The following GLIS3 variants were observed in gnomAD, a reference collection of about 807,000 sequenced individuals.
GLIS3 encodes zinc finger protein GLIS3.
In GLIS3, 53 loss-of-function variants were observed where a neutral mutation model predicts 78.6. That is an observed-to-expected ratio of 0.67 (90% confidence interval 0.54 to 0.85). GLIS3 has a LOEUF of 0.85. Among genes scored for constraint, GLIS3 ranks in the 40% least tolerant of loss-of-function variants. The pLI is 0.00. For missense variants in GLIS3, 1,703 were observed against 1,231.1 expected, an observed-to-expected ratio of 1.38 and a Z score of -5.74; for synonymous variants, 684 against 509.9, an observed-to-expected ratio of 1.34 and a Z score of -4.60.
intron 4 of GLIS3, among the ~76,000 whole-genome samples, chr9:4,023,667 G>A (rs914784594): frequency 2.6e-5 from 4 of 152,204 alleles, no homozygotes; most frequent in African/African-American, 4.8e-5. Flanking sequence ...CAAAGGATAA[G>A]GGGAAAGAAG....
chr9:3,896,913 T>C (rs911181212), intron 7 of GLIS3, among the ~76,000 whole-genome samples: 2 of 152,052 alleles, frequency 1.3e-5, no homozygotes, highest in African/African-American at 4.8e-5. Flanking sequence ...TCAAAATCTT[T>C]TTGAGGACCG....
chr9:3,882,387 A>C (rs1210362232), intron 7 of GLIS3, among the ~76,000 whole-genome samples: 1 of 152,190 alleles, frequency 6.6e-6, no homozygotes, highest in South Asian at 2.1e-4. Context: ...TCTCACAGAT[A>C]CCCAACATCA....
chr9:4,034,398 G>C (rs575454240), intron 4 of GLIS3: 5 of 152,240 alleles, frequency 3.3e-5, no homozygotes, highest in Admixed American at 2.0e-4. Context: ...TTTCCCCCTT[G>C]TTTCTTGAAT....
chr9:4,263,126 G>A (rs1279600947), intron 2 of GLIS3, among the ~76,000 whole-genome samples: 1 of 152,076 alleles, frequency 6.6e-6, no homozygotes, highest in Non-Finnish European at 1.5e-5. Context: ...CCATGGGCTT[G>A]ACCTCTGAAG....
At chr9:4,375,478 T>C in the GLIS3 span, among the ~76,000 whole-genome samples, 10 of 152,230 alleles carry the variant, frequency 6.6e-5, no homozygotes, top group South Asian at 6.2e-4. Context: ...TTGTGCTACA[T>C]TGAAGATTAA....
At chr9:4,216,957 A>C (rs7048673) in intron 2 of GLIS3, among the ~76,000 whole-genome samples, 2,093 of 152,316 alleles carry the variant, frequency 0.014, 58 homozygotes, top group African/African-American at 0.048. Context: ...TCAATACATT[A>C]ACAAGTGAAC....
chr9:4,298,905 C>T (rs1278171186), intron 1 of GLIS3, among the ~76,000 whole-genome samples: 1 of 152,132 alleles, frequency 6.6e-6, no homozygotes, highest in Non-Finnish European at 1.5e-5. Flanking sequence ...CGTGAAACTC[C>T]ACAAACACGT....
At chr9:3,841,246 C>A (rs1360622141) in intron 9 of GLIS3, among the ~76,000 whole-genome samples, 1 of 152,142 alleles carries the variant, frequency 6.6e-6, no homozygotes, top group Non-Finnish European at 1.5e-5. Flanking sequence ...TCAGTAATTG[C>A]CATGTGTGGA....
intron 4 of GLIS3, among the ~76,000 whole-genome samples, chr9:3,947,938 T>C (rs755460898): frequency 2.4e-4 from 37 of 152,218 alleles, no homozygotes; most frequent in Non-Finnish European, 4.7e-4. Flanking sequence ...CCTGTACTTC[T>C]TGTTAAAAAT....
intron 3 of GLIS3, among the ~76,000 whole-genome samples, chr9:4,120,237 T>C (rs766701377): frequency 9.9e-5 from 15 of 152,202 alleles, no homozygotes; most frequent in Non-Finnish European, 1.9e-4. Context: ...CACCATTTCA[T>C]ACAAGCATAT....
intron 2 of GLIS3, among the ~76,000 whole-genome samples, chr9:4,341,416 T>G (rs761141461): frequency 4.6e-5 from 7 of 152,240 alleles, no homozygotes; most frequent in Admixed American, 6.5e-5. Context: ...GCTCATTGTG[T>G]GCTGGAGAAA....
At position 3,824,932 on chromosome 9, in the gene GLIS3, AAAAT is replaced by A. The variant is rs1453354535; in HGVS notation, c.*3336_*3339del. On this transcript the variant is annotated 3_prime_UTR_variant, in exon 11 of 11. Coordinates refer to ENST00000381971, the MANE Select transcript of GLIS3 (RefSeq NM_001042413.2). Reference sequence around the variant, plus strand: ...GCTTCATCTGTTGCAAAAAAAAAAAAAAATAATAACCGCAGAAATTCCACACCAC... The same window carrying A: ...GCTTCATCTGTTGCAAAAAAAAAAAAAATAACCGCAGAAATTCCACACCAC... 958 of 113,568 alleles carry A rather than the reference AAAAT, an allele frequency of 8.4e-3. 21 individuals are homozygous for A. The highest frequency in any genetic ancestry group is 0.026 in the African/African-American group (869 of 33,314). 7.0% of individuals were successfully genotyped at this position (113,568 alleles called of 1,614,324 possible).
chr9:4,099,613 T>G lies in GLIS3; in HGVS notation c.1710+18155A>C, dbSNP rs115169017. The stretch of plus-strand genomic sequence containing the variant: ...TTCTGAGGTACTGGGGGTGATGACT[T>G]CAACATACCTCTTTTAGGGGAATGT... On this transcript the variant is annotated intron_variant, in intron 4 of 10. Transcript: ENST00000381971. Among the ~76,000 whole-genome samples the G allele has an allele frequency of 2.3e-3, 343 of 152,288 alleles. 1 individual carries two copies. The highest frequency in any genetic ancestry group is 7.9e-3 in the African/African-American group (327 of 41,546).
chr9:4,462,563 C>A, the GLIS3 span, among the ~76,000 whole-genome samples: 1 of 150,862 alleles, frequency 6.6e-6, no homozygotes. Flanking sequence ...TCAAGATCAG[C>A]CTGGGCAACA....
chr9:4,191,598 T>C (rs4323522), intron 2 of GLIS3, among the ~76,000 whole-genome samples: 141,669 of 152,278 alleles, frequency 0.93, 66,051 homozygotes, highest in African/African-American at 0.97. Context: ...CCTTTCATTC[T>C]TATTAACTTC....
chr9:4,215,854 A>T (rs528090908), intron 2 of GLIS3, among the ~76,000 whole-genome samples: 1 of 152,238 alleles, frequency 6.6e-6, no homozygotes, highest in African/African-American at 2.4e-5. Flanking sequence ...AAAGAAAGGC[A>T]CACTCAGTAG....
At chr9:4,384,079 C>G in the GLIS3 span, among the ~76,000 whole-genome samples, 2 of 152,214 alleles carry the variant, frequency 1.3e-5, no homozygotes, top group African/African-American at 4.8e-5. Flanking sequence ...TTATTTCCCA[C>G]TTGGTACTGA....
At chr9:4,237,516 G>A (rs948499272) in intron 2 of GLIS3, among the ~76,000 whole-genome samples, 1 of 152,190 alleles carries the variant, frequency 6.6e-6, no homozygotes, top group African/African-American at 2.4e-5. Context: ...CCTAGGGCAT[G>A]GCTGAAAATC....
At chr9:4,436,227 G>A in the GLIS3 span, among the ~76,000 whole-genome samples, 1 of 152,198 alleles carries the variant, frequency 6.6e-6, no homozygotes, top group Non-Finnish European at 1.5e-5. Flanking sequence ...ATAGGGAAAT[G>A]TTTAATACAT....
Sources: gnomAD v4.1 joint callset for allele counts (sites outside exome capture counted in the v4.1 genomes callset) on GRCh38, gnomAD v4.1.1 for gene constraint, MANE v1.5 for transcripts, NCBI Gene and HGNC (gene_info 2026-07-23, HGNC 2026-07-21) for gene names.